The following LCORL variants were observed in gnomAD, a reference collection of about 807,000 sequenced individuals.
The protein encoded by LCORL is ligand-dependent nuclear receptor corepressor-like protein.
Under a neutral mutation model 141.8 loss-of-function variants are expected in LCORL, and 41 were observed. That is an observed-to-expected ratio of 0.29 (90% CI 0.23 to 0.38). The LOEUF is 0.38. LCORL is among the 10% of genes least tolerant of loss of function. The pLI is 1.00. For synonymous variants in LCORL, 618 were observed against 694.1 expected, an observed-to-expected ratio of 0.89 and a Z score of 1.72; for missense variants, 1,759 against 2,035.0, an observed-to-expected ratio of 0.86 and a Z score of 2.61.
intron 1 of LCORL, among the ~76,000 whole-genome samples, chr4:17,985,755 AT>A (rs1365582866): frequency 1.3e-5 from 2 of 152,112 alleles, no homozygotes; most frequent in African/African-American, 4.8e-5. Context: ...CATTTTACCC[AT>A]TAACATTCAA....
At chr4:17,995,896 G>A (rs1029974642) in intron 1 of LCORL, among the ~76,000 whole-genome samples, 8 of 152,074 alleles carry the variant, frequency 5.3e-5, no homozygotes, top group African/African-American at 1.9e-4. Context: ...CTGGACAAAT[G>A]TATCTCTCTG....
At chr4:17,915,513 A>G (rs1235550749) in intron 4 of LCORL, among the ~76,000 whole-genome samples, 2 of 152,206 alleles carry the variant, frequency 1.3e-5, no homozygotes, top group Non-Finnish European at 2.9e-5. Flanking sequence ...AAAAAACTGA[A>G]AAGGTAGGTG....
intron 4 of LCORL, among the ~76,000 whole-genome samples, chr4:17,921,128 A>G (rs974755736): frequency 2.0e-5 from 3 of 152,020 alleles, no homozygotes; most frequent in Non-Finnish European, 4.4e-5. Context: ...GGTTCAAACG[A>G]TTCCCCTGCC....
At chr4:17,977,280 C>T (rs1350298645) in intron 1 of LCORL, among the ~76,000 whole-genome samples, 1 of 152,024 alleles carries the variant, frequency 6.6e-6, no homozygotes, top group Non-Finnish European at 1.5e-5. Context: ...TGTAGGGTTA[C>T]AAAGTAGGGT....
chr4:17,841,233 A>G (rs997863952), exon 8 of LCORL: 1 of 152,016 alleles, frequency 6.6e-6, no homozygotes, highest in South Asian at 2.1e-4. Flanking sequence ...TCATTACAAA[A>G]GCAATGCATG....
intron 7 of LCORL, among the ~76,000 whole-genome samples, chr4:17,869,837 G>A (rs888728711): frequency 6.6e-6 from 1 of 152,082 alleles, no homozygotes; most frequent in Non-Finnish European, 1.5e-5. Context: ...CATCTAAAGA[G>A]CATTCTATCT....
At chr4:17,862,904 G>C (rs976342416) in intron 7 of LCORL, among the ~76,000 whole-genome samples, 3 of 152,172 alleles carry the variant, frequency 2.0e-5, no homozygotes, top group Non-Finnish European at 2.9e-5. Flanking sequence ...TATCAATAGA[G>C]TAAACAGACA....
chr4:18,016,183 A>G (rs1724600731), intron 1 of LCORL, among the ~76,000 whole-genome samples: 1 of 152,154 alleles, frequency 6.6e-6, no homozygotes, highest in Non-Finnish European at 1.5e-5. Flanking sequence ...CAATCATACT[A>G]GCAAACACTT....
chr4:17,875,592 T>C, exon 7 of LCORL: 1 of 1,231,240 alleles, frequency 8.1e-7, no homozygotes, highest in Non-Finnish European at 1.0e-6. Context: ...ATAAATACCT[T>C]CTTTTACTTC....
intron 7 of LCORL, among the ~76,000 whole-genome samples, chr4:17,846,936 G>C (rs76662336): frequency 0.12 from 18,650 of 152,154 alleles, 1,252 homozygotes; most frequent in South Asian, 0.24. Flanking sequence ...GGAAAGGATG[G>C]TAACATTCTT....
intron 4 of LCORL, among the ~76,000 whole-genome samples, chr4:17,910,931 G>T (rs1335067692): frequency 6.6e-6 from 1 of 152,146 alleles, no homozygotes; most frequent in Non-Finnish European, 1.5e-5. Context: ...CACTTCCATT[G>T]TTTGTTTAGA....
chr4:17,919,180 A>G (rs1034380615), intron 4 of LCORL, among the ~76,000 whole-genome samples: 3 of 152,188 alleles, frequency 2.0e-5, no homozygotes, highest in Admixed American at 2.0e-4. Context: ...AAGAGGACAC[A>G]AACTACCAAA....
intron 1 of LCORL, among the ~76,000 whole-genome samples, chr4:18,016,807 A>C (rs1724709255): frequency 6.6e-6 from 1 of 152,148 alleles, no homozygotes; most frequent in African/African-American, 2.4e-5. Context: ...TATGTAGGAA[A>C]GATACTGAAG....
At chr4:17,898,016 C>A (rs566613766) in intron 5 of LCORL, among the ~76,000 whole-genome samples, 23 of 152,168 alleles carry the variant, frequency 1.5e-4, no homozygotes, top group African/African-American at 4.8e-4. Flanking sequence ...GTTTCCAATC[C>A]ACATGTAATA....
intron 1 of LCORL, among the ~76,000 whole-genome samples, chr4:17,985,666 A>C (rs1167128732): frequency 6.6e-6 from 1 of 151,994 alleles, no homozygotes; most frequent in Non-Finnish European, 1.5e-5. Flanking sequence ...ACTGTGTGTG[A>C]GGTGGGTCTC....
intron 6 of LCORL, chr4:17,881,719 A>G (rs1224759418): frequency 1.1e-6 from 1 of 950,742 alleles, no homozygotes; most frequent in Non-Finnish European, 1.3e-6. Flanking sequence ...GTGAGGAATA[A>G]AAAAGCTCAA....
In LCORL at chr4:17,987,108, G is replaced by A. The variant is rs540396717; in HGVS notation, c.155-14223C>T. On this transcript the variant is annotated intron_variant, in intron 1 of 7. Transcript: ENST00000635767. ...TTAATTTTCTTATAAACTTATAAAC[G>A]GTATAAAACAGAAAATCAATTTTAT... 1.9e-3 allele frequency among the ~76,000 whole-genome samples: 284 copies of A among 151,938 alleles called. 1 individual carries two copies. The highest frequency in any genetic ancestry group is 3.4e-3 in the Non-Finnish European group (229 of 67,954).
chr4:18,003,577 A>G (rs1290563421), intron 1 of LCORL, among the ~76,000 whole-genome samples: 1 of 152,214 alleles, frequency 6.6e-6, no homozygotes, highest in Non-Finnish European at 1.5e-5. Context: ...AAGTAATGGC[A>G]AAATATCCTA....
rs7671743 is a variant in LCORL at position 17,910,768 on chromosome 4, T to C, written c.431-1423A>G. Reference sequence around the variant, plus strand: ...CTGATATAAGCTGGTCCTGCATAACTGTCAATATATTTGATCACAGGGTGC... The same window carrying C: ...CTGATATAAGCTGGTCCTGCATAACCGTCAATATATTTGATCACAGGGTGC... On this transcript the variant is annotated intron_variant, in intron 4 of 7. Transcript: ENST00000635767. Among the ~76,000 whole-genome samples the C allele has an allele frequency of 8.0e-3, 1,218 of 152,344 alleles. 14 individuals carry two copies. Among genetic ancestry groups the C allele is most frequent in the African/African-American group, 0.027 (1,137 of 41,568 alleles).
Sources: gnomAD v4.1 joint callset for allele counts (sites outside exome capture counted in the v4.1 genomes callset) on GRCh38, gnomAD v4.1.1 for gene constraint, MANE v1.5 for transcripts, NCBI Gene and HGNC (gene_info 2026-07-23, HGNC 2026-07-21) for gene names.